The following HEATR4 variants were observed in gnomAD, a reference collection of about 807,000 sequenced individuals.
HEATR4 encodes HEAT repeat-containing protein 4.
HEATR4 carries 95 observed loss-of-function variants against 108.8 expected under a neutral mutation model. That is an observed-to-expected ratio of 0.87 (90% CI 0.74 to 1.04). HEATR4 has a LOEUF of 1.04. HEATR4 is among the 50% of genes least tolerant of loss of function. The probability of loss-of-function intolerance (pLI) is 0.00; values close to 1 mark genes in which losing one functional copy is unlikely to be tolerated. For missense variants in HEATR4, 1,152 were observed against 1,253.8 expected (o/e 0.92, Z 1.23); for synonymous variants, 443 against 459.4 (o/e 0.96, Z 0.46).
chr14:73,507,605 A>AT (rs1271961109), intron 9 of HEATR4, among the ~76,000 whole-genome samples: 17 of 151,210 alleles, frequency 1.1e-4, no homozygotes, highest in African/African-American at 3.6e-4. Context: ...GACTAATTTT[A>AT]TTTCTTTTTT....
chr14:73,486,878 T>TCATA (rs1181885977), intron 17 of HEATR4, among the ~76,000 whole-genome samples: 1 of 152,194 alleles, frequency 6.6e-6, no homozygotes, highest in Non-Finnish European at 1.5e-5. Context: ...AGGCTTTAAA[T>TCATA]CATACTATGT....
intron 16 of HEATR4, 192 bp from the exon 17 acceptor site, chr14:73,493,316 G>A (rs936058983): frequency 3.4e-5 from 19 of 563,816 alleles, no homozygotes; most frequent in South Asian, 1.8e-4. Flanking sequence ...TTTCATGGGC[G>A]GGTCGGGGTC....
chr14:73,570,927 G>A, the HEATR4 span, among the ~76,000 whole-genome samples: 4 of 149,550 alleles, frequency 2.7e-5, no homozygotes, highest in African/African-American at 9.8e-5. Flanking sequence ...AAAAATTCAG[G>A]TAGTTTCAAT....
chr14:73,574,472 A>G, the HEATR4 span: 1 of 310,792 alleles, frequency 3.2e-6, no homozygotes, highest in South Asian at 3.2e-5. Context: ...CATGTTGGCC[A>G]GACTGATCTC....
chr14:73,520,065 A>G (rs1887885338), intron 4 of HEATR4: 2 of 152,230 alleles, frequency 1.3e-5, no homozygotes, highest in Admixed American at 1.3e-4. Flanking sequence ...CTAGATACTA[A>G]AAAAGAGGCA....
the HEATR4 span, among the ~76,000 whole-genome samples, chr14:73,623,797 A>G: frequency 1.3e-5 from 2 of 152,090 alleles, no homozygotes; most frequent in Non-Finnish European, 2.9e-5. Context: ...AGTTCCCACA[A>G]GAGTTCCCCT....
the HEATR4 span, among the ~76,000 whole-genome samples, chr14:73,633,000 T>C: frequency 8.1e-6 from 1 of 124,042 alleles, no homozygotes; most frequent in Non-Finnish European, 1.7e-5. Flanking sequence ...TCTCTCTCTC[T>C]CTCTCTCTTT....
At chr14:73,612,522 C>A in the HEATR4 span, 16 of 1,177,246 alleles carry the variant, frequency 1.4e-5, no homozygotes, top group Middle Eastern at 3.0e-3. Flanking sequence ...CCGCCAGGCC[C>A]GCCCACTGAC....
the HEATR4 span, among the ~76,000 whole-genome samples, chr14:73,570,038 C>T: frequency 2.6e-5 from 4 of 151,716 alleles, no homozygotes; most frequent in East Asian, 5.8e-4. Context: ...CAGCTATCTT[C>T]CCGCCTCTGC....
chr14:73,559,459 G>A (rs72738356), upstream of HEATR4, among the ~76,000 whole-genome samples: 30,741 of 151,632 alleles, frequency 0.2, 3,473 homozygotes, highest in Non-Finnish European at 0.24. Flanking sequence ...AGCCAGGCGC[G>A]ATGGCTCACG....
intron 12 of HEATR4, among the ~76,000 whole-genome samples, chr14:73,499,632 C>A (rs1886314514): frequency 6.6e-6 from 1 of 152,148 alleles, no homozygotes; most frequent in South Asian, 2.1e-4. Context: ...ATAGTGAGTA[C>A]ATTAGCTGAA....
chr14:73,496,253 T>TA (rs1228203517), intron 15 of HEATR4, among the ~76,000 whole-genome samples: 9 of 152,222 alleles, frequency 5.9e-5, no homozygotes, highest in Non-Finnish European at 1.0e-4. Context: ...TCTAGTCCCT[T>TA]ATTCCTTCTC....
chr14:73,506,454 G>T lies in HEATR4; in HGVS notation c.1986+13C>A. 3 of 1,604,980 alleles carry T rather than the reference G, an allele frequency of 1.9e-6. No individual in the cohort carries two copies. Among genetic ancestry groups the T allele is most frequent in the South Asian group, 1.1e-5 (1 of 90,924 alleles). ...TTAGGCTTTCTGTCCTGGAGGCAAA[G>T]AAAGAGGTTTACCAAGCAGACATTT... On this transcript the variant is annotated intron_variant, in intron 10 of 17. Transcript: ENST00000553558.
chr14:73,491,542 G>A, intron 17 of HEATR4: 1 of 1,532,780 alleles, frequency 6.5e-7, no homozygotes, highest in Non-Finnish European at 8.7e-7. Flanking sequence ...TGGATAACAC[G>A]GGTGGGGAGC....
the HEATR4 span, among the ~76,000 whole-genome samples, chr14:73,577,542 ATTGTT>A: frequency 7.0e-6 from 1 of 143,456 alleles, no homozygotes; most frequent in Non-Finnish European, 1.5e-5. Flanking sequence ...TTCAAGTCAT[ATTGTT>A]TTATCTTTTC....
the HEATR4 span, among the ~76,000 whole-genome samples, chr14:73,598,204 T>C: frequency 2.9e-5 from 3 of 102,070 alleles, no homozygotes; most frequent in South Asian, 3.5e-4. Context: ...AAACCCCGTC[T>C]CTACTAAAAA....
At chr14:73,553,507 T>A (rs1406008020) in intron 1 of HEATR4, among the ~76,000 whole-genome samples, 1 of 113,184 alleles carries the variant, frequency 8.8e-6, no homozygotes, top group African/African-American at 2.8e-5. Flanking sequence ...CAGGACTAGA[T>A]CTCCAAAAAA....
chr14:73,529,069 A>G (rs181524419), intron 2 of HEATR4: 2 of 152,152 alleles, frequency 1.3e-5, no homozygotes, highest in Admixed American at 1.3e-4. Context: ...AATTAAGTCA[A>G]TCGGCCAGGC....
At chr14:73,536,976 GGTT>G (rs10534104) in intron 1 of HEATR4, 38,822 of 116,794 alleles carry the variant, frequency 0.33, 13,895 homozygotes, top group Admixed American at 0.46. Flanking sequence ...CTAGCTGCCT[GGTT>G]GTTGTTGTTT....
Sources: gnomAD v4.1 joint callset for allele counts (sites outside exome capture counted in the v4.1 genomes callset) on GRCh38, gnomAD v4.1.1 for gene constraint, MANE v1.5 for transcripts, NCBI Gene and HGNC (gene_info 2026-07-23, HGNC 2026-07-21) for gene names.